The following MACROD2 variants were observed in gnomAD, a reference collection of about 807,000 sequenced individuals.
The protein encoded by MACROD2 is mono-ADP ribosylhydrolase 2.
MACROD2 carries 36 observed loss-of-function variants against 70.4 expected under a neutral mutation model. The ratio of observed to expected loss-of-function variants is 0.51; its 90% confidence interval spans 0.39 to 0.68. The LOEUF is 0.68. Ranked by LOEUF, MACROD2 falls within the 30% of genes least tolerant of loss-of-function variation. MACROD2 has a pLI of 0.00. For missense variants in MACROD2, 496 were observed against 538.4 expected (o/e 0.92, Z 0.78); for synonymous variants, 172 against 178.8 (o/e 0.96, Z 0.30).
chr20:16,001,384 G>A (rs1437391484), intron 15 of MACROD2, among the ~76,000 whole-genome samples: 1 of 152,188 alleles, frequency 6.6e-6, no homozygotes, highest in South Asian at 2.1e-4. Context: ...AAGAGAAAAA[G>A]GGAGGCAAGC....
At chr20:15,006,800 C>T (rs777150178) in intron 5 of MACROD2, among the ~76,000 whole-genome samples, 6 of 152,114 alleles carry the variant, frequency 3.9e-5, no homozygotes, top group Non-Finnish European at 8.8e-5. Flanking sequence ...ACACTGCTCT[C>T]GGGCTGGCTG....
intron 5 of MACROD2, among the ~76,000 whole-genome samples, chr20:15,026,734 A>G (rs956881094): frequency 2.6e-4 from 39 of 152,114 alleles, no homozygotes; most frequent in Non-Finnish European, 3.4e-4. Context: ...GGAGATATCA[A>G]TAAAAGAAAA....
chr20:14,457,170 C>T (rs1010427962), intron 3 of MACROD2, among the ~76,000 whole-genome samples: 2 of 151,976 alleles, frequency 1.3e-5, no homozygotes, highest in African/African-American at 4.8e-5. Flanking sequence ...ACTTCTAATT[C>T]AGGGTAGTGT....
chr20:15,198,371 C>T (rs937364122), intron 5 of MACROD2, among the ~76,000 whole-genome samples: 2 of 152,008 alleles, frequency 1.3e-5, no homozygotes, highest in African/African-American at 4.8e-5. Context: ...TAAGCATTGC[C>T]AACGCGTCAG....
chr20:14,545,666 T>A (rs1426833859), intron 4 of MACROD2, among the ~76,000 whole-genome samples: 2 of 152,234 alleles, frequency 1.3e-5, no homozygotes, highest in Non-Finnish European at 2.9e-5. Context: ...AACATCTAAA[T>A]GCTTTGTTTG....
intron 5 of MACROD2, among the ~76,000 whole-genome samples, chr20:14,906,791 T>C (rs1237145535): frequency 6.6e-6 from 1 of 152,204 alleles, no homozygotes; most frequent in African/African-American, 2.4e-5. Flanking sequence ...TTAAAACTGC[T>C]TCTTTGAAGT....
chr20:14,445,156 T>G (rs2084169688), intron 3 of MACROD2, among the ~76,000 whole-genome samples: 1 of 152,058 alleles, frequency 6.6e-6, no homozygotes, highest in Non-Finnish European at 1.5e-5. Flanking sequence ...TCTGATGCCA[T>G]CTCTTACCAC....
At chr20:14,765,279 A>T (rs535837137) in intron 5 of MACROD2, among the ~76,000 whole-genome samples, 1 of 151,988 alleles carries the variant, frequency 6.6e-6, no homozygotes, top group Non-Finnish European at 1.5e-5. Context: ...CTCTCTGAGG[A>T]CACACAGGAG....
At chr20:14,337,759 G>A in intron 3 of MACROD2, 1 of 389,246 alleles carries the variant, frequency 2.6e-6, no homozygotes, top group African/African-American at 2.1e-5. Context: ...AAACGCTAGA[G>A]GGGGCGAGAG....
At chr20:15,763,099 T>C (rs2051463062) in intron 8 of MACROD2, among the ~76,000 whole-genome samples, 1 of 152,238 alleles carries the variant, frequency 6.6e-6, no homozygotes, top group Admixed American at 6.5e-5. Flanking sequence ...TCAGACAGTG[T>C]AGCTGCTTAG....
At chr20:14,250,117 T>C (rs1455890160) in intron 3 of MACROD2, among the ~76,000 whole-genome samples, 1 of 151,782 alleles carries the variant, frequency 6.6e-6, no homozygotes, top group Non-Finnish European at 1.5e-5. Context: ...GTGAAAGCGC[T>C]CACCTTTTTC....
intron 8 of MACROD2, among the ~76,000 whole-genome samples, chr20:15,829,235 G>A (rs1032056074): frequency 1.3e-5 from 2 of 152,056 alleles, no homozygotes; most frequent in Admixed American, 1.3e-4. Context: ...TTGCTTAACA[G>A]TTTCTTCCCA....
intron 8 of MACROD2, among the ~76,000 whole-genome samples, chr20:15,710,203 A>G (rs2050605124): frequency 6.6e-6 from 1 of 151,928 alleles, no homozygotes; most frequent in African/African-American, 2.4e-5. Context: ...ACAAAAAAAA[A>G]AAAAAAAAAA....
intron 12 of MACROD2, among the ~76,000 whole-genome samples, chr20:15,958,382 T>A (rs2066008091): frequency 6.6e-6 from 1 of 152,126 alleles, no homozygotes; most frequent in African/African-American, 2.4e-5. Context: ...ACCCTACCAG[T>A]TATTAAGTGT....
At chr20:15,842,235 G>T (rs2064179092) in intron 8 of MACROD2, among the ~76,000 whole-genome samples, 1 of 152,060 alleles carries the variant, frequency 6.6e-6, no homozygotes, top group Non-Finnish European at 1.5e-5. Context: ...GGTGGAGCTG[G>T]ACCTACAGGT....
intron 3 of MACROD2, among the ~76,000 whole-genome samples, chr20:14,190,702 T>A (rs1463996217): frequency 0.015 from 257 of 16,872 alleles, 1 homozygote; most frequent in Admixed American, 0.019. Context: ...ATATATATTT[T>A]TTTTTTTTTT....
chr20:15,796,260 C>A (rs945368760), intron 8 of MACROD2, among the ~76,000 whole-genome samples: 2 of 152,172 alleles, frequency 1.3e-5, no homozygotes, highest in Non-Finnish European at 2.9e-5. Context: ...AAATCTATCC[C>A]CTTCAATCCC....
At chr20:14,238,228 G>T (rs1443251487) in intron 3 of MACROD2, among the ~76,000 whole-genome samples, 1 of 152,044 alleles carries the variant, frequency 6.6e-6, no homozygotes, top group South Asian at 2.1e-4. Context: ...TCCCTGGGAT[G>T]CAAAGTTCAT....
chr20:15,909,818 C>T (rs921559330), intron 10 of MACROD2, among the ~76,000 whole-genome samples: 12 of 152,180 alleles, frequency 7.9e-5, no homozygotes, highest in South Asian at 2.1e-4. Flanking sequence ...CCACCGCGCC[C>T]GGCCGTAATA....
Sources: gnomAD v4.1 joint callset for allele counts (sites outside exome capture counted in the v4.1 genomes callset) on GRCh38, gnomAD v4.1.1 for gene constraint, MANE v1.5 for transcripts, NCBI Gene and HGNC (gene_info 2026-07-23, HGNC 2026-07-21) for gene names.